The following DHRSX variants were observed in gnomAD, a reference collection of about 807,000 sequenced individuals.
DHRSX encodes polyprenol dehydrogenase.
Under a neutral mutation model 34.0 loss-of-function variants are expected in DHRSX, and 31 were observed. That is an observed-to-expected ratio of 0.91 (90% CI 0.69 to 1.23). DHRSX has a LOEUF of 1.23. Ranked by LOEUF, DHRSX falls within the 50% of genes most tolerant of loss-of-function variation. DHRSX has a pLI of 0.00. For synonymous variants in DHRSX, 201 were observed against 183.8 expected (o/e 1.09, Z -0.76); for missense variants, 414 against 428.1 (o/e 0.97, Z 0.29).
chrX:2,347,255 A>G (rs1419473605), intron 3 of DHRSX, among the ~76,000 whole-genome samples: 1 of 152,184 alleles, frequency 6.6e-6, no homozygotes, highest in Non-Finnish European at 1.5e-5. Context: ...ACAAGAGAAG[A>G]GAGCATGTGC....
chrX:2,301,691 T>G (rs990805915), intron 3 of DHRSX, among the ~76,000 whole-genome samples: 7 of 152,026 alleles, frequency 4.6e-5, no homozygotes, highest in Non-Finnish European at 1.5e-5. Context: ...CAGGCTGAAG[T>G]GCGGTGGTGC....
intron 5 of DHRSX, among the ~76,000 whole-genome samples, chrX:2,251,695 G>T (rs1368144211): frequency 6.6e-6 from 1 of 152,096 alleles, no homozygotes; most frequent in African/African-American, 2.4e-5. Context: ...GGAAATTAAT[G>T]TTCAAGTGCT....
chrX:2,425,242 A>G lies in DHRSX; in HGVS notation c.172T>C (p.Ser58Pro). 2 of 1,613,896 alleles carry G rather than the reference A, an allele frequency of 1.2e-6. No homozygotes were observed. Among genetic ancestry groups the G allele is most frequent in the Middle Eastern group, 1.7e-4 (1 of 6,056 alleles). ...VTGGTDGIGY[S>P]TAKHLARLGM... ...AGTCTCGCCAGATGCTTCGCTGTAG[A>G]ATAGCCAATGCCATCTGTCCCTCCC... The change falls in exon 2 of 7, where the codon TCT becomes CCT. Residue 58 changes from serine (S) to proline (P), a missense_variant. Transcript: ENST00000334651.
At chrX:2,290,390 C>A (rs1261821908) in intron 4 of DHRSX, among the ~76,000 whole-genome samples, 1 of 152,198 alleles carries the variant, frequency 6.6e-6, no homozygotes, top group Non-Finnish European at 1.5e-5. Context: ...TCCCTCCTTA[C>A]AGACATGTCC....
At chrX:2,333,229 G>C (rs73189631) in intron 3 of DHRSX, among the ~76,000 whole-genome samples, 40,006 of 151,924 alleles carry the variant, frequency 0.26, 6,297 homozygotes, top group African/African-American at 0.43. Flanking sequence ...TTTTTTGAAC[G>C]TTTTTGAGTC....
intron 3 of DHRSX, 91 bp from the exon 4 acceptor site, chrX:2,291,694 A>T: frequency 1.1e-6 from 1 of 932,852 alleles, no homozygotes; most frequent in Non-Finnish European, 1.7e-6. Flanking sequence ...ACTCAATTTC[A>T]TCTAGGAAGT....
chrX:2,266,745 C>T lies in DHRSX; in HGVS notation c.591G>A (p.Gln197=). The change falls in exon 5 of 7, where the codon CAG becomes CAA. Residue 197 remains glutamine, a synonymous_variant. Coordinates refer to ENST00000334651, the MANE Select transcript of DHRSX (RefSeq NM_145177.3). ...TATTCACAGGGTGCACCTACCTGCTCTGAAGGTCATCCATGTTCAGCTCAG... is the reference window on the plus strand; with the variant it reads ...TATTCACAGGGTGCACCTACCTGCTTTGAAGGTCATCCATGTTCAGCTCAG... ...YVAELNMDDL[Q]SSACYSPHAA... The T allele has an allele frequency of 1.2e-6, 2 of 1,613,924 alleles. No homozygotes were observed. Among genetic ancestry groups the T allele is most frequent in the Non-Finnish European group, 1.7e-6 (2 of 1,179,830 alleles).
At chrX:2,373,899 G>C (rs1043274154) in intron 3 of DHRSX, among the ~76,000 whole-genome samples, 17 of 152,328 alleles carry the variant, frequency 1.1e-4, no homozygotes, top group Middle Eastern at 3.4e-3. Flanking sequence ...ACACAGGTGA[G>C]AGAGTGGGGG....
intron 5 of DHRSX, among the ~76,000 whole-genome samples, chrX:2,246,735 AG>A (rs2016301770): frequency 8.7e-6 from 1 of 115,490 alleles, no homozygotes; most frequent in Non-Finnish European, 2.2e-5. Context: ...AAAGAAAGAA[AG>A]AAAGAAAGAA....
At chrX:2,497,774 T>C (rs1423823345) in intron 1 of DHRSX, among the ~76,000 whole-genome samples, 2 of 152,244 alleles carry the variant, frequency 1.3e-5, no homozygotes, top group African/African-American at 4.8e-5. Context: ...GAAAATGTAA[T>C]TTCTAAACAG....
intron 1 of DHRSX, chrX:2,489,847 C>T (rs2045077722): frequency 1.2e-6 from 2 of 1,613,732 alleles, no homozygotes; most frequent in East Asian, 4.5e-5. Context: ...AGGTGTGGCC[C>T]AGGCAGGGCA....
intron 3 of DHRSX, among the ~76,000 whole-genome samples, chrX:2,356,688 T>A (rs1191486394): frequency 3.3e-5 from 5 of 152,136 alleles, no homozygotes; most frequent in Non-Finnish European, 5.9e-5. Context: ...CTCCTTCTCC[T>A]CCTCAGCCTC....
At chrX:2,465,496 C>T (rs1278019152) in intron 1 of DHRSX, among the ~76,000 whole-genome samples, 2 of 152,024 alleles carry the variant, frequency 1.3e-5, no homozygotes, top group East Asian at 1.9e-4. Flanking sequence ...GTGAGTCCAG[C>T]ACCTCTTATG....
At chrX:2,449,857 G>A (rs1203914016) in intron 1 of DHRSX, among the ~76,000 whole-genome samples, 1 of 152,022 alleles carries the variant, frequency 6.6e-6, no homozygotes, top group Admixed American at 6.6e-5. Context: ...GCCCAGGCTG[G>A]TCTCAATCTC....
At chrX:2,277,346 GAA>G (rs2041682334) in intron 4 of DHRSX, among the ~76,000 whole-genome samples, 1 of 15,524 alleles carries the variant, frequency 6.4e-5, no homozygotes, top group Non-Finnish European at 2.4e-4. Context: ...GAAAGAAAGA[GAA>G]AGAGAGATGG....
At chrX:2,379,072 G>A (rs2043174852) in intron 3 of DHRSX, among the ~76,000 whole-genome samples, 1 of 152,090 alleles carries the variant, frequency 6.6e-6, no homozygotes, top group African/African-American at 2.4e-5. Flanking sequence ...CCCCTAGATG[G>A]GACCGTCTAG....
chrX:2,356,450 T>C (rs892858606), intron 3 of DHRSX, among the ~76,000 whole-genome samples: 7 of 150,626 alleles, frequency 4.6e-5, no homozygotes, highest in East Asian at 2.0e-4. Flanking sequence ...GTGTAGAATG[T>C]AGAAGAAAAA....
rs764847124 is a variant in DHRSX, at chrX:2,326,013, A to T, written c.287-34410T>A. 3.0e-4 allele frequency among the ~76,000 whole-genome samples: 46 copies of T among 152,314 alleles called. No individual in the cohort carries two copies. The South Asian group carries it at 9.3e-3, about 31-fold the overall frequency. ...TGCGCATTTTAATTCCTATCCTCAC[A>T]ATAGGCAAAGAGCAGAACATACTGA... is the stretch of plus-strand genomic sequence containing the variant. On this transcript the variant is annotated intron_variant, in intron 3 of 6. Transcript: ENST00000334651.
In DHRSX at chrX:2,302,083, T is replaced by C. The variant is rs566744310; in HGVS notation, c.287-10480A>G. On this transcript the variant is annotated intron_variant, in intron 3 of 6. Coordinates refer to ENST00000334651, the MANE Select transcript of DHRSX (RefSeq NM_145177.3). ...GACACAGTGATTAGGTTTTGTTTTATTGTGGCTGATCTAGGACACTTTAAA... is the reference window on the plus strand; with the variant it reads ...GACACAGTGATTAGGTTTTGTTTTACTGTGGCTGATCTAGGACACTTTAAA... 9.1e-4 allele frequency among the ~76,000 whole-genome samples: 139 copies of C among 152,282 alleles called. 1 individual carries two copies. Among genetic ancestry groups the C allele is most frequent in the African/African-American group, 3.2e-3 (133 of 41,570 alleles).
Sources: allele counts gnomAD v4.1 joint callset (sites outside exome capture counted in the v4.1 genomes callset), GRCh38; gene constraint gnomAD v4.1.1; transcripts MANE v1.5; gene names NCBI Gene and HGNC (gene_info 2026-07-23, HGNC 2026-07-21).